The following ADAMTS9 variants were observed in gnomAD, a reference collection of about 807,000 sequenced individuals.
The protein encoded by ADAMTS9 is ADAM metallopeptidase with thrombospondin type 1 motif 9.
Under a neutral mutation model 257.1 loss-of-function variants are expected in ADAMTS9, and 107 were observed. The observed-to-expected ratio is 0.42, with a 90% confidence interval of 0.36 to 0.49. The LOEUF is 0.49. Ranked by LOEUF, ADAMTS9 falls within the 20% of genes least tolerant of loss-of-function variation. ADAMTS9 has a pLI of 0.03. For synonymous variants in ADAMTS9, 982 were observed against 880.9 expected (o/e 1.11, Z -2.03); for missense variants, 2,353 against 2,469.1 (o/e 0.95, Z 1.00).
chr3:64,520,321 T>C (rs2082833378), intron 39 of ADAMTS9, among the ~76,000 whole-genome samples: 1 of 152,164 alleles, frequency 6.6e-6, no homozygotes, highest in Admixed American at 6.5e-5. Flanking sequence ...CGTTCCATGC[T>C]CATCTATTGG....
rs774746982 is a variant in ADAMTS9 at position 64,533,178 on chromosome 3, G to C, written c.5706C>G (p.Ile1902Met). The C allele has an allele frequency of 6.2e-6, 10 of 1,611,820 alleles. No individual in the cohort carries two copies. Among genetic ancestry groups the C allele is most frequent in the Non-Finnish European group, 8.5e-6 (10 of 1,178,624 alleles). The change falls in exon 38 of 40, where the codon ATC becomes ATG. Residue 1902 changes from isoleucine to methionine, a missense_variant. Physicochemically the swap from Ile to Met is conservative, Grantham distance 10. Coordinates refer to ENST00000498707, the MANE Select transcript of ADAMTS9 (RefSeq NM_182920.2). ...ISQGNYAVSD[I>M]KKSPDGTRVV... ...TGTAGAACCTTACCGGCGACTTCTT[G>C]ATGTCAGAGACAGCATAATTCCCTT...
chr3:64,593,231 C>G (rs1457269811), intron 28 of ADAMTS9, among the ~76,000 whole-genome samples: 1 of 152,108 alleles, frequency 6.6e-6, no homozygotes, highest in Non-Finnish European at 1.5e-5. Flanking sequence ...CACCTGCAGA[C>G]ACGACCCCAG....
chr3:64,648,170 T>G, intron 10 of ADAMTS9, 126 bp from the exon 11 acceptor site: 1 of 827,780 alleles, frequency 1.2e-6, no homozygotes, highest in Admixed American at 2.6e-5. Flanking sequence ...GGAAATTCTT[T>G]TCTTGGTATG....
chr3:64,554,922 T>C (rs970399589), intron 30 of ADAMTS9, among the ~76,000 whole-genome samples: 2 of 152,238 alleles, frequency 1.3e-5, no homozygotes, highest in Non-Finnish European at 2.9e-5. Context: ...TTTAATGCAA[T>C]GGGTAGAAAT....
intron 4 of ADAMTS9, chr3:64,656,183 A>T (rs1701064811): frequency 4.4e-6 from 1 of 229,814 alleles, no homozygotes; most frequent in South Asian, 1.1e-4. Context: ...CTTTCCTCTC[A>T]TCTGAAGTCC....
chr3:64,532,906 G>A (rs1015360966), intron 38 of ADAMTS9, among the ~76,000 whole-genome samples: 21 of 152,148 alleles, frequency 1.4e-4, no homozygotes, highest in African/African-American at 4.8e-4. Flanking sequence ...TGGTTAGGTG[G>A]TTTTTCTAAT....
chr3:64,550,799 C>T (rs2083260517), intron 31 of ADAMTS9, 93 bp downstream of exon 31: 1 of 1,507,656 alleles, frequency 6.6e-7, no homozygotes, highest in Non-Finnish European at 9.0e-7. Context: ...AGCCTCAAGT[C>T]TCCCACATTC....
At chr3:64,579,804 C>A (rs980336029) in intron 28 of ADAMTS9, among the ~76,000 whole-genome samples, 7 of 152,170 alleles carry the variant, frequency 4.6e-5, no homozygotes, top group Non-Finnish European at 8.8e-5. Flanking sequence ...TCTCCTGTCT[C>A]TTATATCCAT....
chr3:64,517,415 G>GTT (rs1242670245), intron 39 of ADAMTS9, among the ~76,000 whole-genome samples: 4 of 11,568 alleles, frequency 3.5e-4, no homozygotes, highest in African/African-American at 4.3e-4. Flanking sequence ...AATTAAAAAT[G>GTT]GTTTTTTTTT....
At chr3:64,663,017 A>C (rs1701262102) in intron 3 of ADAMTS9, among the ~76,000 whole-genome samples, 1 of 152,106 alleles carries the variant, frequency 6.6e-6, no homozygotes, top group Non-Finnish European at 1.5e-5. Context: ...AAGATGTCTC[A>C]CTATGTATAT....
At chr3:64,530,916 G>A (rs547854380) in intron 38 of ADAMTS9, among the ~76,000 whole-genome samples, 2 of 152,054 alleles carry the variant, frequency 1.3e-5, no homozygotes, top group Non-Finnish European at 2.9e-5. Context: ...AAAAATATAC[G>A]ATTTTTATTT....
chr3:64,627,979 C>T (rs1700268353), intron 16 of ADAMTS9, among the ~76,000 whole-genome samples: 1 of 152,188 alleles, frequency 6.6e-6, no homozygotes, highest in Admixed American at 6.5e-5. Flanking sequence ...ATGACAACAT[C>T]AAATTCTTCC....
intron 3 of ADAMTS9, among the ~76,000 whole-genome samples, chr3:64,664,558 TTA>T: frequency 6.6e-6 from 1 of 152,314 alleles, no homozygotes; most frequent in South Asian, 2.1e-4. Flanking sequence ...CTTCTTTCAC[TTA>T]GTACAATGTT....
At chr3:64,567,674 T>A (rs889339905) in intron 29 of ADAMTS9, among the ~76,000 whole-genome samples, 2 of 151,556 alleles carry the variant, frequency 1.3e-5, no homozygotes, top group East Asian at 3.9e-4. Flanking sequence ...GGAGTCTAAC[T>A]GTAATCAGTG....
rs1256181658 is a variant in ADAMTS9, at chr3:64,655,882, C to T, written c.970-7G>A. 4.6e-6 allele frequency: 7 copies of T among 1,533,110 alleles called. No individual in the cohort carries two copies. Among genetic ancestry groups the T allele is most frequent in the Non-Finnish European group, 5.2e-6 (6 of 1,144,158 alleles). 95.0% of individuals were successfully genotyped at this position (1,533,110 alleles called of 1,614,324 possible). A position where few individuals can be genotyped will look rare whatever the true frequency, so the allele number is the denominator to read the frequency against. ...CTTTATAGATAGAGGCTACCTGCAA[C>T]CGAGATAAATTTTTCAAAGTTAATT... On this transcript the variant is annotated splice_region_variant and splice_polypyrimidine_tract_variant and intron_variant, in intron 4 of 39. Coordinates refer to ENST00000498707, the MANE Select transcript of ADAMTS9 (RefSeq NM_182920.2).
chr3:64,629,778 AT>A (rs1700321973), intron 16 of ADAMTS9, among the ~76,000 whole-genome samples: 1 of 152,224 alleles, frequency 6.6e-6, no homozygotes, highest in Non-Finnish European at 1.5e-5. Flanking sequence ...CCTGGCACAT[AT>A]TAAATAAGTG....
chr3:64,565,942 T>G (rs1031835609), intron 29 of ADAMTS9: 2 of 152,176 alleles, frequency 1.3e-5, no homozygotes, highest in Non-Finnish European at 2.9e-5. Flanking sequence ...TCTCAAAACA[T>G]CAATACTAGC....
At chr3:64,594,030 C>G (rs2084313410) in intron 28 of ADAMTS9, among the ~76,000 whole-genome samples, 1 of 149,906 alleles carries the variant, frequency 6.7e-6, no homozygotes, top group Non-Finnish European at 1.5e-5. Flanking sequence ...GCAGCTACTT[C>G]TTGGCACCAG....
intron 22 of ADAMTS9, among the ~76,000 whole-genome samples, chr3:64,610,934 G>A (rs62247595): frequency 0.052 from 7,930 of 151,760 alleles, 250 homozygotes; most frequent in Non-Finnish European, 0.072. Flanking sequence ...AAATTAGCTG[G>A]GCATGGTGGC....
Sources: allele counts gnomAD v4.1 joint callset (sites outside exome capture counted in the v4.1 genomes callset), GRCh38; gene constraint gnomAD v4.1.1; transcripts MANE v1.5; gene names NCBI Gene and HGNC (gene_info 2026-07-23, HGNC 2026-07-21).